ZC3H12B: variants seen among roughly 807,000 people sequenced by gnomAD.
ZC3H12B encodes zinc finger CCCH-type containing 12B.
ZC3H12B carries 7 observed loss-of-function variants against 43.9 expected under a neutral mutation model. That is an observed-to-expected ratio of 0.16 (90% CI 0.09 to 0.30). ZC3H12B has a LOEUF of 0.30. Ranked by LOEUF, ZC3H12B falls within the 10% of genes least tolerant of loss-of-function variation. The pLI, the probability that ZC3H12B is intolerant of heterozygous loss-of-function variation, is 1.00. For missense variants in ZC3H12B, 475 were observed against 670.2 expected (o/e 0.71, Z 3.22); for synonymous variants, 222 against 241.7 (o/e 0.92, Z 0.76).
chrX:65,099,345 G>A, the ZC3H12B span, among the ~76,000 whole-genome samples: 1 of 111,809 alleles, frequency 8.9e-6, no homozygotes, highest in Non-Finnish European at 1.9e-5. Flanking sequence ...ATCCTGACAA[G>A]GGGAGTTCTC....
chrX:65,351,404 T>C, the ZC3H12B span, among the ~76,000 whole-genome samples: 1 of 112,134 alleles, frequency 8.9e-6, no homozygotes, highest in Non-Finnish European at 1.9e-5. Context: ...GACATAGGCA[T>C]GGGCAAAGAC....
chrX:65,171,181 C>T, the ZC3H12B span, among the ~76,000 whole-genome samples: 1 of 110,699 alleles, frequency 9.0e-6, no homozygotes, highest in African/African-American at 3.3e-5. Context: ...TTTTATCCAC[C>T]TTTTGTCTTT....
chrX:65,200,699 G>C, the ZC3H12B span, among the ~76,000 whole-genome samples: 1 of 110,420 alleles, frequency 9.1e-6, no homozygotes, highest in Admixed American at 9.7e-5. Context: ...GCCTCCCAAA[G>C]TGCTGTGTTT....
the ZC3H12B span, among the ~76,000 whole-genome samples, chrX:65,149,764 AAATAATAATAATAATAAT>A: frequency 0.026 from 2,211 of 85,256 alleles, 69 homozygotes; most frequent in African/African-American, 0.084. Flanking sequence ...ACTTAATCTC[AAATAATAATAATAATAAT>A]AATAATAATA....
chrX:65,217,802 T>A, the ZC3H12B span, among the ~76,000 whole-genome samples: 1 of 110,461 alleles, frequency 9.1e-6, no homozygotes, highest in Non-Finnish European at 1.9e-5. Flanking sequence ...GCCTACAAGA[T>A]CTAGAAAAAG....
chrX:65,476,548 G>A (rs755931557), intron 3 of ZC3H12B, among the ~76,000 whole-genome samples: 4 of 111,923 alleles, frequency 3.6e-5, no homozygotes, highest in African/African-American at 1.3e-4. Context: ...TATTTAACCA[G>A]GGAGTAGAAT....
chrX:65,075,557 C>T, the ZC3H12B span, among the ~76,000 whole-genome samples: 2 of 112,016 alleles, frequency 1.8e-5, no homozygotes, highest in Admixed American at 9.4e-5. Context: ...AGCAGTCCCC[C>T]CAAAAAGACA....
the ZC3H12B span, among the ~76,000 whole-genome samples, chrX:65,171,215 G>A: frequency 9.0e-6 from 1 of 111,139 alleles, no homozygotes; most frequent in Non-Finnish European, 1.9e-5. Flanking sequence ...TACAGGTCGG[G>A]TTTCGGTGTG....
chrX:65,099,137 G>A, the ZC3H12B span, among the ~76,000 whole-genome samples: 12 of 111,779 alleles, frequency 1.1e-4, no homozygotes, highest in East Asian at 2.8e-4. Context: ...GAGGCAAAGC[G>A]ACTGTGGCCA....
chrX:65,383,155 A>G (rs2066468129), intron 2 of ZC3H12B, among the ~76,000 whole-genome samples: 1 of 112,136 alleles, frequency 8.9e-6, no homozygotes, highest in Non-Finnish European at 1.9e-5. Context: ...AGTCATCCTG[A>G]GCCAAAAGAA....
At chrX:65,056,028 C>A in the ZC3H12B span, among the ~76,000 whole-genome samples, 1 of 111,321 alleles carries the variant, frequency 9.0e-6, no homozygotes, top group Admixed American at 9.5e-5. Context: ...TTGATCTTTT[C>A]AAAAAACCAG....
intron 3 of ZC3H12B, among the ~76,000 whole-genome samples, chrX:65,432,948 A>C (rs1457491176): frequency 8.9e-6 from 1 of 112,345 alleles, no homozygotes; most frequent in Non-Finnish European, 1.9e-5. Flanking sequence ...ATCCCTGCAA[A>C]CTAAATTAGG....
the ZC3H12B span, among the ~76,000 whole-genome samples, chrX:65,251,832 T>C: frequency 9.0e-6 from 1 of 111,404 alleles, no homozygotes; most frequent in East Asian, 2.8e-4. Flanking sequence ...AAGGAAATTT[T>C]GGGCTGAGAT....
the ZC3H12B span, among the ~76,000 whole-genome samples, chrX:65,119,597 G>A: frequency 9.0e-6 from 1 of 111,229 alleles, no homozygotes; most frequent in African/African-American, 3.3e-5. Flanking sequence ...TCTGTAGGTT[G>A]CCTGCTCACC....
the ZC3H12B span, among the ~76,000 whole-genome samples, chrX:65,288,062 G>A: frequency 9.2e-6 from 1 of 108,930 alleles, no homozygotes; most frequent in Middle Eastern, 4.8e-3. Flanking sequence ...ACACCTTGAG[G>A]AAATGGATAA....
At chrX:65,409,038 G>A (rs1191008783) in intron 3 of ZC3H12B, among the ~76,000 whole-genome samples, 1 of 111,725 alleles carries the variant, frequency 9.0e-6, no homozygotes, top group Non-Finnish European at 1.9e-5. Context: ...TCAAATGAAA[G>A]GTTTGATAAT....
chrX:65,460,119 G>A (rs747737204), intron 3 of ZC3H12B, among the ~76,000 whole-genome samples: 2 of 111,646 alleles, frequency 1.8e-5, no homozygotes, highest in South Asian at 3.8e-4. Flanking sequence ...TTGCTTCAAA[G>A]AGAATAAAAT....
the ZC3H12B span, among the ~76,000 whole-genome samples, chrX:65,295,035 A>C: frequency 9.0e-6 from 1 of 111,569 alleles, no homozygotes; most frequent in African/African-American, 3.2e-5. Context: ...CATTCTACCC[A>C]AAAACTGCAG....
chrX:65,167,595 T>G, the ZC3H12B span, among the ~76,000 whole-genome samples: 6 of 111,884 alleles, frequency 5.4e-5, no homozygotes, highest in Admixed American at 4.8e-4. Context: ...CATTGGTAGC[T>G]TTATGGGGAT....
Sources: gnomAD v4.1 joint callset for allele counts (sites outside exome capture counted in the v4.1 genomes callset) on GRCh38, gnomAD v4.1.1 for gene constraint, MANE v1.5 for transcripts, NCBI Gene and HGNC (gene_info 2026-07-23, HGNC 2026-07-21) for gene names.